Variants in DNAH12 observed in about 807,000 individuals in gnomAD.
DNAH12 encodes the protein dynein axonemal heavy chain 12.
A neutral mutation model predicts 371.5 loss-of-function variants in DNAH12; 285 were observed. The observed-to-expected ratio is 0.77, with a 90% CI of 0.70 to 0.85. The LOEUF (loss-of-function observed/expected upper bound fraction) is 0.85. Among genes scored for constraint, DNAH12 ranks in the 40% least tolerant of loss-of-function variants. The probability of loss-of-function intolerance (pLI) is 0.00; values close to 1 mark genes in which losing one functional copy is unlikely to be tolerated. For missense variants in DNAH12, 3,611 were observed against 3,689.4 expected (o/e 0.98, Z 0.55); for synonymous variants, 1,200 against 1,213.0 (o/e 0.99, Z 0.22).
rs558190909 is a variant in DNAH12, at chr3:57,495,497, GTTT to G, written c.1336-5813_1336-5811del. On this transcript the variant is annotated intron_variant, in intron 11 of 73. Transcript: ENST00000495027. ...AATCACTTGAACTCCAGAGGTGGAG[GTTT>G]CAGGGAGCTGAGATAGTGCCACATT... Among the ~76,000 whole-genome samples, 40 of 151,152 alleles carry G rather than the reference GTTT, an allele frequency of 2.6e-4. 1 individual carries two copies. Among genetic ancestry groups the G allele is most frequent in the African/African-American group, 9.8e-4 (40 of 40,716 alleles).
chr3:57,348,990 A>G lies in DNAH12; in HGVS notation c.9674+3095T>C, dbSNP rs115456365. Among the ~76,000 whole-genome samples the G allele has an allele frequency of 7.4e-3, 1,117 of 151,952 alleles. 13 individuals are homozygous for G. The highest frequency in any genetic ancestry group is 0.025 in the African/African-American group (1,037 of 41,392). ...AAGATAAATAGATGGGACTTAATTA[A>G]ACTAAAAACCTCCTGCACAGCAAAA... is the stretch of plus-strand genomic sequence containing the variant. On this transcript the variant is annotated intron_variant, in intron 60 of 73. Transcript: ENST00000495027.
At chr3:57,491,774 A>C (rs1389707888) in intron 11 of DNAH12, among the ~76,000 whole-genome samples, 2 of 101,156 alleles carry the variant, frequency 2.0e-5, no homozygotes, top group Admixed American at 8.2e-5. Context: ...CCATCTCTAC[A>C]AAAAAAAATA....
At chr3:57,443,082 G>C (rs897019336) in intron 29 of DNAH12, among the ~76,000 whole-genome samples, 2 of 152,094 alleles carry the variant, frequency 1.3e-5, no homozygotes, top group African/African-American at 4.8e-5. Flanking sequence ...AATTGAATTT[G>C]AGATTGTTTT....
intron 11 of DNAH12, among the ~76,000 whole-genome samples, chr3:57,490,847 G>C (rs2067091790): frequency 6.6e-6 from 1 of 152,110 alleles, no homozygotes; most frequent in African/African-American, 2.4e-5. Context: ...CCAGCACTGT[G>C]GGAAGCCGAG....
At chr3:57,454,921 T>G in intron 22 of DNAH12, 27 bp from the exon 23 acceptor site, 1 of 1,530,078 alleles carries the variant, frequency 6.5e-7, no homozygotes, top group Non-Finnish European at 8.8e-7. Context: ...AATTTCTAAC[T>G]TTAAAAGCTT....
At chr3:57,318,652 T>C (rs1347690999) in intron 65 of DNAH12, among the ~76,000 whole-genome samples, 1 of 152,056 alleles carries the variant, frequency 6.6e-6, no homozygotes, top group Non-Finnish European at 1.5e-5. Context: ...TTTCAGGTTT[T>C]GTATTTTTGT....
intron 12 of DNAH12, among the ~76,000 whole-genome samples, chr3:57,486,922 G>GA (rs2066938789): frequency 6.7e-6 from 1 of 149,338 alleles, no homozygotes; most frequent in Admixed American, 6.6e-5. Flanking sequence ...AGGGGCCAGA[G>GA]AAGGCCTTTC....
intron 22 of DNAH12, among the ~76,000 whole-genome samples, chr3:57,456,662 A>G (rs1230749056): frequency 2.0e-5 from 3 of 152,214 alleles, no homozygotes; most frequent in African/African-American, 7.2e-5. Flanking sequence ...TGTCCTACAG[A>G]TCCACATGTG....
chr3:57,396,278 CAAAAAAAAAAACAAAA>C (rs1183127501), intron 43 of DNAH12, among the ~76,000 whole-genome samples: 2 of 100,414 alleles, frequency 2.0e-5, no homozygotes, highest in African/African-American at 6.9e-5. Context: ...GACTGCATCT[CAAAAAAAAAAACAAAA>C]AAAAAAAAAA....
chr3:57,539,041 A>T (rs2069166293), intron 2 of DNAH12, among the ~76,000 whole-genome samples: 1 of 152,158 alleles, frequency 6.6e-6, no homozygotes, highest in South Asian at 2.1e-4. Flanking sequence ...TCTGACACAC[A>T]TCTCTTGTAA....
chr3:57,491,930 C>CA (rs2067141346), intron 11 of DNAH12, among the ~76,000 whole-genome samples: 1 of 151,860 alleles, frequency 6.6e-6, no homozygotes, highest in African/African-American at 2.4e-5. Flanking sequence ...CACTTGAGCC[C>CA]AGAAGGCAGA....
intron 34 of DNAH12, among the ~76,000 whole-genome samples, chr3:57,427,808 A>G (rs1057193067): frequency 1.3e-5 from 2 of 152,196 alleles, no homozygotes; most frequent in African/African-American, 4.8e-5. Context: ...ACAAGGTAAG[A>G]AAAGAGTCTC....
At chr3:57,540,397 C>A (rs909270198) in intron 2 of DNAH12, among the ~76,000 whole-genome samples, 2 of 152,070 alleles carry the variant, frequency 1.3e-5, no homozygotes, top group African/African-American at 4.8e-5. Flanking sequence ...ACAGCAGATA[C>A]TTACTATCTG....
intron 30 of DNAH12, among the ~76,000 whole-genome samples, chr3:57,435,379 A>C (rs1245495274): frequency 6.6e-6 from 1 of 150,672 alleles, no homozygotes; most frequent in African/African-American, 2.5e-5. Flanking sequence ...CTCCCAAAAA[A>C]AAAAAAAAAA....
At chr3:57,501,489 G>A (rs1345190883) in intron 10 of DNAH12, 77 bp from the exon 11 acceptor site, 3 of 975,762 alleles carry the variant, frequency 3.1e-6, no homozygotes, top group South Asian at 1.6e-5. Flanking sequence ...TATGATCATG[G>A]AATGGGGACC....
intron 43 of DNAH12, among the ~76,000 whole-genome samples, chr3:57,399,570 G>T (rs1175452184): frequency 2.6e-5 from 4 of 152,086 alleles, no homozygotes; most frequent in African/African-American, 7.2e-5. Context: ...CCACAAGAAA[G>T]GATATTACAT....
intron 37 of DNAH12, among the ~76,000 whole-genome samples, chr3:57,416,397 G>C (rs529634803): frequency 6.6e-6 from 1 of 152,262 alleles, no homozygotes; most frequent in South Asian, 2.1e-4. Context: ...CAGCCTTATA[G>C]ATACTTTAAT....
At chr3:57,508,028 A>G (rs779415471) in intron 7 of DNAH12, among the ~76,000 whole-genome samples, 190 bp from the exon 8 acceptor site, 2 of 152,004 alleles carry the variant, frequency 1.3e-5, no homozygotes, top group Non-Finnish European at 2.9e-5. Flanking sequence ...CTCTACTAAA[A>G]ATACAAAAAT....
chr3:57,424,736 G>A (rs2064707159), intron 35 of DNAH12, among the ~76,000 whole-genome samples: 1 of 148,984 alleles, frequency 6.7e-6, no homozygotes, highest in South Asian at 2.1e-4. Context: ...ATTAAGCTGA[G>A]ATCACGTCAC....
Sources: gnomAD v4.1 joint callset for allele counts (sites outside exome capture counted in the v4.1 genomes callset) on GRCh38, gnomAD v4.1.1 for gene constraint, MANE v1.5 for transcripts, NCBI Gene and HGNC (gene_info 2026-07-23, HGNC 2026-07-21) for gene names.